Variants in POM121C observed in about 807,000 individuals in gnomAD.
POM121C encodes the protein nuclear envelope pore membrane protein POM 121C.
A neutral mutation model predicts 66.4 loss-of-function variants in POM121C; 20 were observed. That is an observed-to-expected ratio of 0.30 (90% CI 0.21 to 0.44). The LOEUF (loss-of-function observed/expected upper bound fraction) is 0.44. Ranked by LOEUF, POM121C falls within the 20% of genes least tolerant of loss-of-function variation. POM121C has a pLI of 1.00. For synonymous variants in POM121C, 286 were observed against 528.0 expected (o/e 0.54, Z 6.28); for missense variants, 580 against 1,225.7 (o/e 0.47, Z 7.87).
chr7:75,428,134 C>G (rs1245981282), intron 7 of POM121C, among the ~76,000 whole-genome samples: 1 of 152,074 alleles, frequency 6.6e-6, no homozygotes, highest in African/African-American at 2.4e-5. Flanking sequence ...GCTCATCAGT[C>G]ACCTGTGGAA....
At chr7:75,436,371 CGAA>C (rs1554473027) in intron 7 of POM121C, among the ~76,000 whole-genome samples, 1 of 152,080 alleles carries the variant, frequency 6.6e-6, no homozygotes, top group Non-Finnish European at 1.5e-5. Context: ...AGCTATCTGT[CGAA>C]GACTGCTGGG....
At chr7:75,424,348 C>T (rs1353028857) in intron 11 of POM121C, 123 bp from the exon 12 acceptor site, 1 of 1,167,476 alleles carries the variant, frequency 8.6e-7, no homozygotes, top group African/African-American at 1.5e-5. Context: ...GCAGTAGTCC[C>T]TGCTGTCCAG....
chr7:75,428,069 G>A (rs1224479301), intron 7 of POM121C, among the ~76,000 whole-genome samples: 2 of 152,012 alleles, frequency 1.3e-5, no homozygotes, highest in African/African-American at 2.4e-5. Flanking sequence ...ATATATAAGC[G>A]GCATTTTCAA....
At chr7:75,467,268 AC>A (rs1791688747) in intron 3 of POM121C, among the ~76,000 whole-genome samples, 1 of 152,216 alleles carries the variant, frequency 6.6e-6, no homozygotes, top group Non-Finnish European at 1.5e-5. Context: ...GTGGTGGCTC[AC>A]GCCTGTAATC....
intron 3 of POM121C, among the ~76,000 whole-genome samples, chr7:75,461,999 C>G (rs1346994924): frequency 6.8e-6 from 1 of 147,114 alleles, no homozygotes; most frequent in African/African-American, 2.6e-5. Context: ...ATTGATAAAC[C>G]AAGCAAAACT....
At chr7:75,472,804 C>G (rs1366994561) in intron 3 of POM121C, among the ~76,000 whole-genome samples, 6 of 148,312 alleles carry the variant, frequency 4.0e-5, no homozygotes, top group African/African-American at 1.5e-4. Flanking sequence ...GAGACACTAT[C>G]TCAAAATGGA....
In POM121C at chr7:75,450,006, C is replaced by G. The variant is rs587655016; in HGVS notation, c.-151-8359G>C. Among the ~76,000 whole-genome samples, 35 of 151,936 alleles carry G rather than the reference C, an allele frequency of 2.3e-4. 1 individual carries two copies. The South Asian group carries it at 6.0e-3, about 26-fold the overall frequency. On this transcript the variant is annotated intron_variant, in intron 3 of 14. Transcript: ENST00000615331. Reference sequence around the variant, plus strand: ...TCTAGCCTGGAGACAGAGCATGACTCCATCTCAAAAAAACACAAAAGAAAC... The same window carrying G: ...TCTAGCCTGGAGACAGAGCATGACTGCATCTCAAAAAAACACAAAAGAAAC...
chr7:75,468,601 G>A (rs781941906), intron 3 of POM121C, among the ~76,000 whole-genome samples: 9 of 152,122 alleles, frequency 5.9e-5, no homozygotes, highest in Non-Finnish European at 1.2e-4. Flanking sequence ...TTACAGGCGT[G>A]AGCCAACACG....
rs1277581650 is a variant in POM121C at position 75,452,121 on chromosome 7, G to A, written c.-151-10474C>T. Among the ~76,000 whole-genome samples the A allele has an allele frequency of 6.7e-4, 102 of 152,250 alleles. 1 individual carries two copies. The highest frequency in any genetic ancestry group is 2.2e-3 in the African/African-American group (93 of 41,536). ...GGAGGTTGTAGTAGGCCGAGATCGC[G>A]CTGCTGCATTCCAGCCTGGGTGACA... On this transcript the variant is annotated intron_variant, in intron 3 of 14. Transcript: ENST00000615331.
At chr7:75,452,780 G>A (rs587625930) in intron 3 of POM121C, among the ~76,000 whole-genome samples, 2 of 152,308 alleles carry the variant, frequency 1.3e-5, no homozygotes, top group East Asian at 3.9e-4. Context: ...GGTAAAATGG[G>A]TCAAGTTTGT....
chr7:75,428,484 A>G (rs1307103689), intron 7 of POM121C, among the ~76,000 whole-genome samples: 4 of 152,362 alleles, frequency 2.6e-5, no homozygotes, highest in African/African-American at 9.6e-5. Flanking sequence ...GCAGTGGCTC[A>G]TGCCTGTAAT....
In POM121C at chr7:75,421,792, G is replaced by A. The variant is rs200322271; in HGVS notation, c.2460C>T (p.Ser820=). The change falls in exon 13 of 15, where the codon AGC becomes AGT. Residue 820 remains serine (S), a synonymous_variant. Transcript: ENST00000615331. ...TGCCAAACACCGAGCTGCTGCTCCCGCTGCTGGCGGTCTGGGTGGTGGCTC... is the reference window on the plus strand; with the variant it reads ...TGCCAAACACCGAGCTGCTGCTCCCACTGCTGGCGGTCTGGGTGGTGGCTC... The part of the protein sequence containing the change: ...GFGATTQTAS[S]GSSSSVFGST... 1,820 of 1,608,112 alleles carry A rather than the reference G, an allele frequency of 1.1e-3. No individual in the cohort carries two copies. Among genetic ancestry groups the A allele is most frequent in the Non-Finnish European group, 1.4e-3 (1,705 of 1,177,834 alleles).
chr7:75,424,792 C>G, intron 10 of POM121C, 164 bp from the exon 11 acceptor site: 1 of 1,219,450 alleles, frequency 8.2e-7, no homozygotes, highest in Admixed American at 2.3e-5. Flanking sequence ...AACCCCATCT[C>G]TACTAAAAAT....
chr7:75,449,901 G>A (rs1790963013), intron 3 of POM121C, among the ~76,000 whole-genome samples: 1 of 152,138 alleles, frequency 6.6e-6, no homozygotes, highest in African/African-American at 2.4e-5. Context: ...TGTAATCCCA[G>A]CTATTAGGAA....
chr7:75,469,093 T>C (rs2116508587), intron 3 of POM121C, among the ~76,000 whole-genome samples: 2 of 151,986 alleles, frequency 1.3e-5, no homozygotes, highest in Middle Eastern at 3.4e-3. Context: ...ATCTTTTGGG[T>C]CTACTTTCTT....
At chr7:75,436,496 AGAGGGG>A (rs1790416642) in intron 7 of POM121C, among the ~76,000 whole-genome samples, 4 of 152,234 alleles carry the variant, frequency 2.6e-5, no homozygotes, top group Non-Finnish European at 5.9e-5. Flanking sequence ...TAATAATTTA[AGAGGGG>A]TAATGGTATT....
rs587722403 is a variant in POM121C, at chr7:75,432,973, A to G, written c.480+4542T>C. On this transcript the variant is annotated intron_variant, in intron 7 of 14. Coordinates refer to ENST00000615331, the MANE Select transcript of POM121C (RefSeq NM_001099415.3). ...CAGTAGACTGGGCACGGTGGCTCAC[A>G]GCTGTAATCCCAGCACTTTGGGAGG... Among the ~76,000 whole-genome samples the G allele has an allele frequency of 2.6e-5, 4 of 152,216 alleles. No individual in the cohort carries two copies. In the East Asian group the frequency reaches 7.7e-4, roughly 29 times the overall value.
intron 3 of POM121C, among the ~76,000 whole-genome samples, chr7:75,451,899 G>A (rs1225126932): frequency 6.6e-5 from 10 of 151,052 alleles, no homozygotes; most frequent in Admixed American, 1.3e-4. Flanking sequence ...AGGCACGATG[G>A]CTCACGTCTG....
intron 3 of POM121C, among the ~76,000 whole-genome samples, chr7:75,471,541 G>A (rs782214691): frequency 1.3e-5 from 2 of 152,024 alleles, no homozygotes; most frequent in African/African-American, 4.8e-5. Context: ...GCAGGGGGAG[G>A]GGGCAGCACA....
Sources: gnomAD v4.1 joint callset for allele counts (sites outside exome capture counted in the v4.1 genomes callset) on GRCh38, gnomAD v4.1.1 for gene constraint, MANE v1.5 for transcripts, NCBI Gene and HGNC (gene_info 2026-07-23, HGNC 2026-07-21) for gene names.